HTRA3: variants seen among roughly 807,000 people sequenced by gnomAD.
The protein encoded by HTRA3 is HtrA serine peptidase 3, also known as serine protease HTRA3.
HTRA3 carries 41 observed loss-of-function variants against 43.2 expected under a neutral mutation model. The ratio of observed to expected loss-of-function variants is 0.95; its 90% CI spans 0.74 to 1.23. HTRA3 has a LOEUF of 1.23. HTRA3 is among the 50% of genes most tolerant of loss of function. HTRA3 has a pLI of 0.00. For missense variants in HTRA3, 628 were observed against 647.1 expected, an observed-to-expected ratio of 0.97 and a Z score of 0.32; for synonymous variants, 295 against 287.9, an observed-to-expected ratio of 1.02 and a Z score of -0.25.
intron 5 of HTRA3, among the ~76,000 whole-genome samples, chr4:8,293,108 A>G (rs1205388019): frequency 6.6e-6 from 1 of 152,114 alleles, no homozygotes; most frequent in East Asian, 1.9e-4. Flanking sequence ...AGACAAGGGG[A>G]CAATGAAAGG....
rs1239720500 is a variant in HTRA3 at position 8,297,820 on chromosome 4, G to A, written c.1051+3619G>A. On this transcript the variant is annotated intron_variant, in intron 6 of 8. Transcript: ENST00000307358. The surrounding 1 kb of genome is among the most constrained non-coding windows in gnomAD (Gnocchi z 5.8). ...CCCCTCCTGCTCCAGGCTCAGACGC[G>A]CAGCTGCTTGTGGGATGGACCCACC... Among the ~76,000 whole-genome samples, 4 of 152,014 alleles carry A rather than the reference G, an allele frequency of 2.6e-5. No individual in the cohort carries two copies. The highest frequency in any genetic ancestry group is 2.1e-4 in the South Asian group (1 of 4,808).
At chr4:8,278,567 G>A (rs191388110) in intron 1 of HTRA3, among the ~76,000 whole-genome samples, 11 of 152,254 alleles carry the variant, frequency 7.2e-5, no homozygotes, top group Admixed American at 2.0e-4. Flanking sequence ...TGGGAACCGC[G>A]TCCTCCCTTC....
intron 1 of HTRA3, among the ~76,000 whole-genome samples, chr4:8,275,133 C>T (rs1431766273): frequency 6.6e-6 from 1 of 152,216 alleles, no homozygotes; most frequent in Non-Finnish European, 1.5e-5. Flanking sequence ...AGAGCTTTCG[C>T]CAAGGCTGCC....
rs147333873 is a variant in HTRA3, at chr4:8,282,292, C to T, written c.386-145C>T. 4.2e-3 allele frequency: 2,784 copies of T among 657,570 alleles called. 12 individuals carry two copies. Among genetic ancestry groups the T allele is most frequent in the Non-Finnish European group, 4.2e-3 (1,560 of 372,032 alleles). 40.7% of individuals were successfully genotyped at this position (657,570 alleles called of 1,614,324 possible). On this transcript the variant is annotated intron_variant, in intron 1 of 8. Coordinates refer to ENST00000307358, the MANE Select transcript of HTRA3 (RefSeq NM_053044.5). ...CTGCTGTGTGGTAGGGGGTCCCCAACGGGCTCAGTGTGGGCTGAGGCTGGC... is the reference window on the plus strand; with the variant it reads ...CTGCTGTGTGGTAGGGGGTCCCCAATGGGCTCAGTGTGGGCTGAGGCTGGC...
chr4:8,270,650 G>T (rs116612229), intron 1 of HTRA3, among the ~76,000 whole-genome samples: 5 of 152,166 alleles, frequency 3.3e-5, no homozygotes, highest in Non-Finnish European at 7.4e-5. Flanking sequence ...CTGATGTCTC[G>T]TGCCCATTCC....
chr4:8,275,805 G>T (rs373879918), intron 1 of HTRA3, among the ~76,000 whole-genome samples: 1 of 152,238 alleles, frequency 6.6e-6, no homozygotes, highest in African/African-American at 2.4e-5. Flanking sequence ...TATGAGAAAG[G>T]GTTCAGGGAG....
At chr4:8,284,594 T>C (rs913139857) in intron 2 of HTRA3, among the ~76,000 whole-genome samples, 5 of 152,228 alleles carry the variant, frequency 3.3e-5, no homozygotes, top group African/African-American at 9.6e-5. Context: ...TGCCTGGCCC[T>C]GTGAGGCACC....
intron 1 of HTRA3, among the ~76,000 whole-genome samples, chr4:8,275,720 C>T (rs1031951616): frequency 2.0e-5 from 3 of 152,210 alleles, no homozygotes; most frequent in South Asian, 2.1e-4. Flanking sequence ...CAAGGGTGAA[C>T]GGTGTGACAC....
At chr4:8,288,574 C>CT (rs35966094) in intron 3 of HTRA3, among the ~76,000 whole-genome samples, 1,419 of 132,510 alleles carry the variant, frequency 0.011, 17 homozygotes, top group East Asian at 0.019. Context: ...CGTGCCTAGC[C>CT]TTTTTTTTTT....
At position 8,306,851 on chromosome 4, in the gene HTRA3, G is replaced by C. The variant is rs553645292; in HGVS notation, c.*715G>C. 2 of 152,814 alleles carry C rather than the reference G, an allele frequency of 1.3e-5. No individual in the cohort carries two copies. Among genetic ancestry groups the C allele is most frequent in the South Asian group, 4.1e-4 (2 of 4,832 alleles). 9.5% of individuals were successfully genotyped at this position (152,814 alleles called of 1,614,324 possible). On this transcript the variant is annotated 3_prime_UTR_variant, in exon 9 of 9. Coordinates refer to ENST00000307358, the MANE Select transcript of HTRA3 (RefSeq NM_053044.5). The surrounding 1 kb of genome is among the most constrained non-coding windows in gnomAD (Gnocchi z 8.9). ...AGGCGGCCATGGGGCAGCCTGCAGA[G>C]GACAGTGGACGTGGAGCTGCGGGGT...
rs1308435814 is a variant in HTRA3, at chr4:8,297,232, CA to C, written c.1051+3032del. Among the ~76,000 whole-genome samples, 1 of 151,948 alleles carries C rather than the reference CA, an allele frequency of 6.6e-6. No homozygotes were observed. The highest frequency in any genetic ancestry group is 2.4e-5 in the African/African-American group (1 of 41,368). ...GGACGGGCAGGGAGGCTGGTGGCCC[CA>C]TACTTGGTGTGTGTTCTGCTCACCT... On this transcript the variant is annotated intron_variant, in intron 6 of 8. Transcript: ENST00000307358. This position sits in a 1 kb window ranked among gnomAD's most constrained non-coding sequence, Gnocchi z 5.8.
Position 8,270,324 on chromosome 4 carries a change from G to T in HTRA3, c.356G>T (p.Arg119Leu). 1 of 1,447,606 alleles carries T rather than the reference G, an allele frequency of 6.9e-7. No individual in the cohort carries two copies. The highest frequency in any genetic ancestry group is 9.0e-7 in the Non-Finnish European group (1 of 1,108,190). 89.7% of individuals were successfully genotyped at this position (1,447,606 alleles called of 1,614,324 possible). ...RALQLSGTPV[R>L]QLQKGACPLG... The stretch of plus-strand genomic sequence containing the variant: ...CTGCAGCTCTCCGGGACGCCCGTGC[G>T]CCAGCTGCAGAAGGGCGCCTGCCCG... Residue 119 changes from arginine (R) to leucine (L), a missense_variant, in exon 1 of 9, where the codon CGC becomes CTC. Transcript: ENST00000307358.
rs1712645175 is a variant in HTRA3 at position 8,279,180 on chromosome 4, C to G, written c.386-3257C>G. 6.6e-6 allele frequency among the ~76,000 whole-genome samples: 1 copy of G among 152,196 alleles called. No homozygotes were observed. Among genetic ancestry groups the G allele is most frequent in the Non-Finnish European group, 1.5e-5 (1 of 68,038 alleles). Reference sequence around the variant, plus strand: ...CTGTGGGAAACAGGCCACCTCCCAGCCCAGCCCCACGGCCCTTCTGTCTCA... The same window carrying G: ...CTGTGGGAAACAGGCCACCTCCCAGGCCAGCCCCACGGCCCTTCTGTCTCA... On this transcript the variant is annotated intron_variant, in intron 1 of 8. Coordinates refer to ENST00000307358, the MANE Select transcript of HTRA3 (RefSeq NM_053044.5). The surrounding 1 kb of genome is among the most constrained non-coding windows in gnomAD (Gnocchi z 7.4).
At chr4:8,289,680 T>C (rs1402132465) in intron 3 of HTRA3, among the ~76,000 whole-genome samples, 1 of 152,200 alleles carries the variant, frequency 6.6e-6, no homozygotes, top group African/African-American at 2.4e-5. Flanking sequence ...AACGCCCTCC[T>C]AGCCCCTAGG....
At position 8,297,846 on chromosome 4, in the gene HTRA3, A is replaced by G. The variant is rs1182508347; in HGVS notation, c.1051+3645A>G. On this transcript the variant is annotated intron_variant, in intron 6 of 8. Transcript: ENST00000307358. This position sits in a 1 kb window ranked among gnomAD's most constrained non-coding sequence, Gnocchi z 5.8. ...CAGCTGCTTGTGGGATGGACCCACC[A>G]ATGTCCACAGGCAGTTCCCACTAAG... Among the ~76,000 whole-genome samples the G allele has an allele frequency of 1.3e-5, 2 of 152,014 alleles. No individual in the cohort carries two copies. The highest frequency in any genetic ancestry group is 2.1e-4 in the South Asian group (1 of 4,822).
chr4:8,288,394 C>A (rs1713081053), intron 3 of HTRA3, among the ~76,000 whole-genome samples: 1 of 152,074 alleles, frequency 6.6e-6, no homozygotes, highest in Non-Finnish European at 1.5e-5. Flanking sequence ...CTGCCTCAGC[C>A]CCCCGAGTAG....
intron 6 of HTRA3, 46 bp from the exon 7 acceptor site, chr4:8,302,417 C>G: frequency 6.3e-7 from 1 of 1,595,940 alleles, no homozygotes; most frequent in East Asian, 2.2e-5. Context: ...AGCGTGGTGG[C>G]TTTTCACAGC....
At chr4:8,298,016 G>A (rs552510745) in intron 6 of HTRA3, among the ~76,000 whole-genome samples, 4 of 152,312 alleles carry the variant, frequency 2.6e-5, no homozygotes, top group Non-Finnish European at 5.9e-5. Context: ...CCAGGCTTCA[G>A]GATGCATCCA....
At chr4:8,278,645 C>G (rs1403095793) in intron 1 of HTRA3, among the ~76,000 whole-genome samples, 1 of 152,136 alleles carries the variant, frequency 6.6e-6, no homozygotes, top group Non-Finnish European at 1.5e-5. Flanking sequence ...CCCCTGCCCC[C>G]ACCCCACCAC....
Sources: allele counts gnomAD v4.1 joint callset (sites outside exome capture counted in the v4.1 genomes callset), GRCh38; gene constraint gnomAD v4.1.1; non-coding constraint Gnocchi (gnomAD v3.1); transcripts MANE v1.5; gene names NCBI Gene and HGNC (gene_info 2026-07-23, HGNC 2026-07-21).